Variants in TMEM132D observed in about 807,000 individuals in gnomAD.
TMEM132D encodes the protein transmembrane protein 132D, also known as mature OL transmembrane protein.
Under a neutral mutation model 62.3 loss-of-function variants are expected in TMEM132D, and 21 were observed. The observed-to-expected ratio is 0.34, with a 90% CI of 0.24 to 0.49. TMEM132D has a LOEUF of 0.49. Among genes scored for constraint, TMEM132D ranks in the 20% least tolerant of loss-of-function variants. The pLI is 0.99. For synonymous variants in TMEM132D, 621 were observed against 575.6 expected, an observed-to-expected ratio of 1.08 and a Z score of -1.13; for missense variants, 1,346 against 1,402.8, an observed-to-expected ratio of 0.96 and a Z score of 0.65.
At chr12:129,215,286 C>T (rs1879170568) in intron 4 of TMEM132D, among the ~76,000 whole-genome samples, 1 of 152,090 alleles carries the variant, frequency 6.6e-6, no homozygotes, top group African/African-American at 2.4e-5. Flanking sequence ...GATGAGAACA[C>T]ATGAACACAT....
At chr12:129,247,029 C>A (rs777661524) in intron 4 of TMEM132D, among the ~76,000 whole-genome samples, 13 of 152,078 alleles carry the variant, frequency 8.5e-5, no homozygotes, top group Non-Finnish European at 1.8e-4. Context: ...AGCTATAATA[C>A]GGATTTTCTT....
chr12:129,274,075 T>C lies in TMEM132D; in HGVS notation c.1299+63559A>G, dbSNP rs568499070. Among the ~76,000 whole-genome samples, 8 of 151,780 alleles carry C rather than the reference T, an allele frequency of 5.3e-5. No homozygotes were observed. The East Asian group carries it at 7.7e-4, about 15-fold the overall frequency. On this transcript the variant is annotated intron_variant, in intron 4 of 8. Coordinates refer to ENST00000422113, the MANE Select transcript of TMEM132D (RefSeq NM_133448.3). ...CTCTTGGATGTGAGTTTCCTAGTTG[T>C]AGAAAAAAAAGATTAAATTACCAGA...
chr12:129,113,735 G>C (rs566442758), intron 5 of TMEM132D, among the ~76,000 whole-genome samples: 11 of 152,144 alleles, frequency 7.2e-5, no homozygotes, highest in African/African-American at 2.7e-4. Flanking sequence ...ATCAGGGGCA[G>C]AGATAAGAGT....
At chr12:129,665,431 C>T (rs974385398) in intron 2 of TMEM132D, among the ~76,000 whole-genome samples, 2 of 151,658 alleles carry the variant, frequency 1.3e-5, no homozygotes, top group African/African-American at 4.8e-5. Flanking sequence ...GAAATGAGCG[C>T]GTGGGCAAAG....
intron 5 of TMEM132D, among the ~76,000 whole-genome samples, chr12:129,098,263 C>T (rs115402144): frequency 0.013 from 1,934 of 152,240 alleles, 42 homozygotes; most frequent in African/African-American, 0.043. Flanking sequence ...GCCAACTGAT[C>T]GTTGACAAAG....
At chr12:129,076,081 G>A (rs1874244034) in intron 8 of TMEM132D, among the ~76,000 whole-genome samples, 1 of 139,916 alleles carries the variant, frequency 7.1e-6, no homozygotes, top group African/African-American at 3.0e-5. Context: ...TGCTGAGCCA[G>A]CCAGCATTAC....
At chr12:129,567,740 T>G (rs1268920483) in intron 2 of TMEM132D, among the ~76,000 whole-genome samples, 1 of 152,166 alleles carries the variant, frequency 6.6e-6, no homozygotes, top group Non-Finnish European at 1.5e-5. Flanking sequence ...AATTGCTTTT[T>G]AAAATAAATG....
intron 4 of TMEM132D, among the ~76,000 whole-genome samples, chr12:129,288,103 G>A (rs74646928): frequency 2.6e-5 from 4 of 152,204 alleles, no homozygotes; most frequent in South Asian, 2.1e-4. Context: ...GACCATTATC[G>A]TGCACCATGC....
chr12:129,563,273 C>T (rs1489640138), intron 2 of TMEM132D, among the ~76,000 whole-genome samples: 1 of 152,202 alleles, frequency 6.6e-6, no homozygotes, highest in East Asian at 1.9e-4. Context: ...CCTTCAAGAT[C>T]TTGTTCAAGG....
At chr12:129,758,097 G>A (rs917589275) in intron 1 of TMEM132D, among the ~76,000 whole-genome samples, 13 of 152,128 alleles carry the variant, frequency 8.5e-5, no homozygotes, top group Admixed American at 7.9e-4. Flanking sequence ...TAGAGACAGG[G>A]TTTCACCATG....
chr12:129,299,628 G>GTA, intron 4 of TMEM132D, among the ~76,000 whole-genome samples: 1 of 136,984 alleles, frequency 7.3e-6, no homozygotes, highest in Non-Finnish European at 1.6e-5. Context: ...GAACAATCAG[G>GTA]TTTTTTTTTT....
At chr12:129,374,268 T>TGAGAGAGAGAGAGAGA (rs1566048946) in intron 3 of TMEM132D, among the ~76,000 whole-genome samples, 20 of 28,276 alleles carry the variant, frequency 7.1e-4, no homozygotes, top group African/African-American at 2.0e-3. Flanking sequence ...ACCTCACACA[T>TGAGAGAGAGAGAGAGA]CAGAGAGAGA....
chr12:129,179,668 A>C (rs948335492), intron 5 of TMEM132D, among the ~76,000 whole-genome samples: 1 of 152,114 alleles, frequency 6.6e-6, no homozygotes, highest in African/African-American at 2.4e-5. Flanking sequence ...TTATTTATTT[A>C]TTTAATGAAA....
At chr12:129,698,990 C>A (rs1458758357) in intron 2 of TMEM132D, among the ~76,000 whole-genome samples, 1 of 152,028 alleles carries the variant, frequency 6.6e-6, no homozygotes, top group Admixed American at 6.5e-5. Context: ...CACATCAGGT[C>A]AAATTGTTGA....
chr12:129,538,292 C>T (rs1320393394), intron 2 of TMEM132D, among the ~76,000 whole-genome samples: 1 of 152,198 alleles, frequency 6.6e-6, no homozygotes, highest in African/African-American at 2.4e-5. Flanking sequence ...CGTTTCCACA[C>T]CCAGTCTATA....
At chr12:129,205,582 C>T (rs913296493) in intron 5 of TMEM132D, among the ~76,000 whole-genome samples, 1 of 152,058 alleles carries the variant, frequency 6.6e-6, no homozygotes, top group Non-Finnish European at 1.5e-5. Context: ...CTTCAACATC[C>T]CATTGACAGT....
At position 129,126,236 on chromosome 12, in the gene TMEM132D, T is replaced by C. The variant is rs1876209015; in HGVS notation, c.1444-41534A>G. 2.0e-5 allele frequency among the ~76,000 whole-genome samples: 3 copies of C among 152,204 alleles called. No individual in the cohort carries two copies. The South Asian group carries it at 6.2e-4, about 32-fold the overall frequency. On this transcript the variant is annotated intron_variant, in intron 5 of 8. Transcript: ENST00000422113. ...ATCCCTCTATATTTATATCTATGGATCCATATTCATATCTTATCTGTGGCT... is the reference window on the plus strand; with the variant it reads ...ATCCCTCTATATTTATATCTATGGACCCATATTCATATCTTATCTGTGGCT...
chr12:129,766,392 A>T (rs568772891), intron 1 of TMEM132D, among the ~76,000 whole-genome samples: 5 of 152,214 alleles, frequency 3.3e-5, no homozygotes, highest in Non-Finnish European at 7.3e-5. Flanking sequence ...TAAAATACAC[A>T]TACCATAACA....
chr12:129,428,815 C>T (rs552017662), intron 3 of TMEM132D, among the ~76,000 whole-genome samples: 6 of 152,142 alleles, frequency 3.9e-5, no homozygotes, highest in African/African-American at 9.7e-5. Context: ...CACGACTGAG[C>T]GAGAGGGGAC....
Sources: allele counts gnomAD v4.1 joint callset (sites outside exome capture counted in the v4.1 genomes callset), GRCh38; gene constraint gnomAD v4.1.1; transcripts MANE v1.5; gene names NCBI Gene and HGNC (gene_info 2026-07-23, HGNC 2026-07-21).